Variants in DDX60L observed in about 807,000 individuals in gnomAD.
DDX60L encodes probable ATP-dependent RNA helicase DDX60-like.
A neutral mutation model predicts 211.6 loss-of-function variants in DDX60L; 191 were observed. The observed-to-expected ratio is 0.90, with a 90% CI of 0.80 to 1.02. The LOEUF (loss-of-function observed/expected upper bound fraction) is 1.02, where lower values mean the gene tolerates loss of function less well. DDX60L is among the 50% of genes least tolerant of loss of function. DDX60L has a pLI of 0.00. For missense variants in DDX60L, 2,007 were observed against 1,984.1 expected, an observed-to-expected ratio of 1.01 and a Z score of -0.22; for synonymous variants, 706 against 694.1, an observed-to-expected ratio of 1.02 and a Z score of -0.27.
chr4:168,442,487 C>T (rs1466603396), intron 9 of DDX60L, among the ~76,000 whole-genome samples: 1 of 152,230 alleles, frequency 6.6e-6, no homozygotes, highest in Non-Finnish European at 1.5e-5. Flanking sequence ...ATTAGGTAAA[C>T]AAAGCAGCCT....
At chr4:168,414,271 C>T (rs1377651435) in intron 22 of DDX60L, among the ~76,000 whole-genome samples, 8 of 152,048 alleles carry the variant, frequency 5.3e-5, no homozygotes, top group Non-Finnish European at 1.2e-4. Flanking sequence ...CATTAAGAAA[C>T]CACCTGAAGG....
chr4:168,358,984 C>A (rs1183716670), intron 37 of DDX60L, among the ~76,000 whole-genome samples: 1 of 152,016 alleles, frequency 6.6e-6, no homozygotes, highest in African/African-American at 2.4e-5. Context: ...TTTTAAAAAC[C>A]CACAGTCACC....
intron 10 of DDX60L, among the ~76,000 whole-genome samples, 192 bp downstream of exon 10, chr4:168,441,145 C>T (rs1055088451): frequency 1.3e-5 from 2 of 152,050 alleles, no homozygotes; most frequent in Non-Finnish European, 2.9e-5. Flanking sequence ...TAAAATTTCA[C>T]CAGGCTTTAC....
chr4:168,452,995 T>C, intron 8 of DDX60L, 129 bp downstream of exon 8: 1 of 972,092 alleles, frequency 1.0e-6, no homozygotes, highest in Non-Finnish European at 1.4e-6. Context: ...AAAATAAAAG[T>C]TGTTGAAAAT....
intron 22 of DDX60L, among the ~76,000 whole-genome samples, chr4:168,407,758 G>T (rs921990954): frequency 3.3e-5 from 5 of 152,178 alleles, no homozygotes; most frequent in African/African-American, 1.2e-4. Flanking sequence ...GCAAAGAAAG[G>T]CTGTTTGATG....
chr4:168,401,070 G>A lies in DDX60L; in HGVS notation c.3339-92C>T, dbSNP rs1746712430. 5.1e-6 allele frequency: 6 copies of A among 1,170,876 alleles called. No homozygotes were observed. The African/African-American group carries it at 7.7e-5, about 15-fold the overall frequency. 72.5% of individuals were successfully genotyped at this position (1,170,876 alleles called of 1,614,324 possible). A position where few individuals can be genotyped will look rare whatever the true frequency, so the allele number is the denominator to read the frequency against. ...AAATTATAAGGCCCCTCAATCATCT[G>A]AATAGACTTCATCCTAGGCCAGGGC... On this transcript the variant is annotated intron_variant, in intron 25 of 37. Coordinates refer to ENST00000682922, the MANE Select transcript of DDX60L (RefSeq NM_001012967.3).
At chr4:168,448,438 A>G (rs1755157161) in intron 9 of DDX60L, among the ~76,000 whole-genome samples, 200 bp downstream of exon 9, 1 of 152,200 alleles carries the variant, frequency 6.6e-6, no homozygotes, top group African/African-American at 2.4e-5. Context: ...ATATGCTATC[A>G]TATCATAGCA....
Position 168,432,564 on chromosome 4 carries a change from A to T in DDX60L, c.1407T>A (p.Asp469Glu), listed in dbSNP as rs746182749. Residue 469 changes from aspartate to glutamate, a missense_variant, in exon 12 of 38, where the codon GAT becomes GAA. Physicochemically the swap from Asp to Glu is conservative, Grantham distance 45. Coordinates refer to ENST00000682922, the MANE Select transcript of DDX60L (RefSeq NM_001012967.3). ...GTTTAAACAGTGAAGGAACAACCGG[A>T]TCATCACTGTAAAAATAAATACATA... ...MKDLPILKSD[D>E]PVVPSLFKQK... 7.1e-6 allele frequency: 11 copies of T among 1,555,688 alleles called. No individual in the cohort carries two copies. The highest frequency in any genetic ancestry group is 7.8e-6 in the Non-Finnish European group (9 of 1,148,574).
intron 30 of DDX60L, among the ~76,000 whole-genome samples, chr4:168,384,013 A>C (rs1336952315): frequency 6.6e-6 from 1 of 152,150 alleles, no homozygotes; most frequent in Non-Finnish European, 1.5e-5. Context: ...AGAAAAAATG[A>C]AAAGGCTAGA....
intron 3 of DDX60L, 109 bp from the exon 4 acceptor site, chr4:168,472,045 C>T: frequency 1.2e-6 from 1 of 803,458 alleles, no homozygotes. Flanking sequence ...TACCTCATGC[C>T]AGTCCATGAT....
chr4:168,469,140 C>T (rs1223709147), intron 4 of DDX60L: 1 of 152,122 alleles, frequency 6.6e-6, no homozygotes, highest in African/African-American at 2.4e-5. Flanking sequence ...CAAAGAAGAA[C>T]AAAGTGGGCT....
Position 168,461,948 on chromosome 4 carries a change from C to T in DDX60L, c.357G>A (p.Val119=). 1 of 1,613,174 alleles carries T rather than the reference C, an allele frequency of 6.2e-7. No homozygotes were observed. Among genetic ancestry groups the T allele is most frequent in the East Asian group, 2.2e-5 (1 of 44,836 alleles). Reference sequence around the variant, plus strand: ...ATAAGCATCCAGAAAACTCCGTTTGCACATCAATGTTAGTATTGTGTTGAA... The same window carrying T: ...ATAAGCATCCAGAAAACTCCGTTTGTACATCAATGTTAGTATTGTGTTGAA... ...LHLQHNTNID[V]QTEFSGCLSQ... is the part of the protein sequence containing the mutation. The change falls in exon 5 of 38, where the codon GTG becomes GTA. Residue 119 remains valine (V), a synonymous_variant. Transcript: ENST00000682922.
At chr4:168,468,250 T>C (rs747044372) in intron 4 of DDX60L, among the ~76,000 whole-genome samples, 1 of 152,008 alleles carries the variant, frequency 6.6e-6, no homozygotes, top group Admixed American at 6.6e-5. Context: ...ACTTAAAATA[T>C]TAGCAAATCA....
chr4:168,365,541 GAAA>G (rs554717166), intron 36 of DDX60L, among the ~76,000 whole-genome samples: 9 of 129,160 alleles, frequency 7.0e-5, no homozygotes, highest in African/African-American at 2.6e-4. Context: ...TTTTTCATCA[GAAA>G]AAAAAAAAAG....
chr4:168,448,915 AGATG>A, intron 8 of DDX60L, 136 bp from the exon 9 acceptor site: 2 of 763,352 alleles, frequency 2.6e-6, no homozygotes, highest in Middle Eastern at 3.1e-4. Context: ...CAAATATTAC[AGATG>A]GTGATCTATA....
intron 37 of DDX60L, 65 bp from the exon 38 acceptor site, chr4:168,358,341 T>A: frequency 8.0e-7 from 1 of 1,250,428 alleles, no homozygotes; most frequent in East Asian, 2.8e-5. Context: ...TCAATATTAT[T>A]AAAAGGTTAG....
chr4:168,465,135 T>A lies in DDX60L; in HGVS notation c.265-3095A>T, dbSNP rs546671716. ...TACCAGCAGCATATGAGTTACCCTT[T>A]CTCTACATCCTTACTAGCATTTTTT... On this transcript the variant is annotated intron_variant, in intron 4 of 37. Transcript: ENST00000682922. 1.7e-3 allele frequency among the ~76,000 whole-genome samples: 247 copies of A among 143,324 alleles called. 2 individuals are homozygous for A. Among genetic ancestry groups the A allele is most frequent in the African/African-American group, 6.0e-3 (237 of 39,818 alleles). 94.0% of individuals were successfully genotyped at this position (143,324 alleles called of 152,430 possible). A position where few individuals can be genotyped will look rare whatever the true frequency, so the allele number is the denominator to read the frequency against.
At chr4:168,365,561 A>G (rs1198208998) in intron 36 of DDX60L, among the ~76,000 whole-genome samples, 1 of 151,800 alleles carries the variant, frequency 6.6e-6, no homozygotes, top group African/African-American at 2.4e-5. Context: ...AAAGCCCACG[A>G]CTTAATGGCT....
At chr4:168,464,655 A>G (rs1757743921) in intron 4 of DDX60L, among the ~76,000 whole-genome samples, 1 of 152,058 alleles carries the variant, frequency 6.6e-6, no homozygotes, top group African/African-American at 2.4e-5. Flanking sequence ...AATCAGAGTA[A>G]TTAGCATATT....
Sources: allele counts gnomAD v4.1 joint callset (sites outside exome capture counted in the v4.1 genomes callset), GRCh38; gene constraint gnomAD v4.1.1; transcripts MANE v1.5; gene names NCBI Gene and HGNC (gene_info 2026-07-23, HGNC 2026-07-21).